Variants in OR2Z1 observed in about 807,000 individuals in gnomAD.
The protein encoded by OR2Z1 is olfactory receptor family 2 subfamily Z member 1, also known as olfactory receptor 2Z1.
For missense variants in OR2Z1, 449 were observed against 401.8 expected, an observed-to-expected ratio of 1.12 and a Z score of -1.00; for synonymous variants, 188 against 160.6, an observed-to-expected ratio of 1.17 and a Z score of -1.29.
At chr19:8,726,439 A>G (rs2043327887) in intron 2 of OR2Z1, among the ~76,000 whole-genome samples, 1 of 152,250 alleles carries the variant, frequency 6.6e-6, no homozygotes, top group African/African-American at 2.4e-5. Flanking sequence ...GTGGGGACAC[A>G]GGTCCAAACC....
chr19:8,723,793 C>T (rs1401605048), intron 2 of OR2Z1, among the ~76,000 whole-genome samples: 1 of 152,128 alleles, frequency 6.6e-6, no homozygotes, highest in African/African-American at 2.4e-5. Context: ...GAAGCCTTCC[C>T]CACCATCCCA....
At position 8,731,141 on chromosome 19, in the gene OR2Z1, G is replaced by T; in HGVS notation, c.113G>T (p.Gly38Val). 3.1e-6 allele frequency: 5 copies of T among 1,614,048 alleles called. No individual in the cohort carries two copies. The South Asian group carries it at 4.4e-5, about 14-fold the overall frequency. Residue 38 changes from glycine to valine, a missense_variant, in exon 3 of 3, where the codon GGC (glycine) becomes GTC (valine). Physicochemically the swap from Gly to Val is moderately radical, Grantham distance 109. Transcript: ENST00000641125. ...FSLVAVMFVI[G>V]LLGNTVLLFL... ...CTGGTGGCTGTCATGTTTGTCATAGGCCTTCTGGGCAACACCGTTCTTCTC... is the reference window on the plus strand; with the variant it reads ...CTGGTGGCTGTCATGTTTGTCATAGTCCTTCTGGGCAACACCGTTCTTCTC...
At chr19:8,724,882 G>T (rs1555756008) in intron 2 of OR2Z1, among the ~76,000 whole-genome samples, 1 of 152,074 alleles carries the variant, frequency 6.6e-6, no homozygotes, top group Non-Finnish European at 1.5e-5. Context: ...CTGGGCTTCT[G>T]CCTGCAAGCC....
At position 8,731,908 on chromosome 19, in the gene OR2Z1, A is replaced by G. The variant is rs2145084642; in HGVS notation, c.880A>G (p.Asn294Asp). The stretch of plus-strand genomic sequence containing the variant: ...CAACCCCCTTATCTACAGTCTGAGG[A>G]ATCCGGAGGTGTGGATGGCTTTGGT... ...TLNPLIYSLR[N>D]PEVWMALVKV... The change falls in exon 3 of 3, where the codon AAT becomes GAT. Residue 294 changes from asparagine to aspartate, a missense_variant. Transcript: ENST00000641125. 2.5e-6 allele frequency: 4 copies of G among 1,614,226 alleles called. No individual in the cohort carries two copies. The highest frequency in any genetic ancestry group is 2.5e-6 in the Non-Finnish European group (3 of 1,180,040).
At chr19:8,727,926 G>A (rs1418052288) in intron 2 of OR2Z1, among the ~76,000 whole-genome samples, 4 of 152,186 alleles carry the variant, frequency 2.6e-5, no homozygotes, top group African/African-American at 7.2e-5. Context: ...GAGCAGGGAT[G>A]AGGATGCTAT....
At chr19:8,730,709 C>G (rs1395540492) in intron 2 of OR2Z1, among the ~76,000 whole-genome samples, 151 bp from the exon 3 acceptor site, 1 of 152,138 alleles carries the variant, frequency 6.6e-6, no homozygotes, top group Non-Finnish European at 1.5e-5. Context: ...TGAGGCACCA[C>G]GTCCAGCCGA....
rs2043350602 is a variant in OR2Z1, at chr19:8,731,051, T to C, written c.23T>C (p.Val8Ala). The change falls in exon 3 of 3, where the codon GTG becomes GCG. Residue 8 changes from valine (V) to alanine (A), a missense_variant. Transcript: ENST00000641125. MGDVNQS[V>A]ASDFILVGLF... The stretch of plus-strand genomic sequence containing the variant: ...AACATGGGGGATGTGAATCAGTCGG[T>C]GGCCTCAGACTTCATTCTGGTGGGC... 3.1e-6 allele frequency: 5 copies of C among 1,614,136 alleles called. No individual in the cohort carries two copies. Among genetic ancestry groups the C allele is most frequent in the Non-Finnish European group, 4.2e-6 (5 of 1,179,994 alleles).
chr19:8,725,776 ACTAT>A (rs2043324734), intron 2 of OR2Z1, among the ~76,000 whole-genome samples: 1 of 152,220 alleles, frequency 6.6e-6, no homozygotes, highest in South Asian at 2.1e-4. Context: ...GCTTTAAAGA[ACTAT>A]CTGAGATGAT....
chr19:8,728,788 G>C, intron 2 of OR2Z1: 4 of 624,070 alleles, frequency 6.4e-6, no homozygotes, highest in South Asian at 5.5e-5. Context: ...TCAGGAGCCA[G>C]TCGAACATAT....
chr19:8,726,760 C>T (rs73489581), intron 2 of OR2Z1, among the ~76,000 whole-genome samples: 135 of 152,138 alleles, frequency 8.9e-4, no homozygotes, highest in African/African-American at 2.6e-3. Context: ...ATCAGGATGG[C>T]GTATAACTAA....
intron 2 of OR2Z1, among the ~76,000 whole-genome samples, chr19:8,726,763 A>G (rs2043329245): frequency 6.6e-6 from 1 of 152,196 alleles, no homozygotes; most frequent in Non-Finnish European, 1.5e-5. Context: ...AGGATGGCGT[A>G]TAACTAAAGA....
intron 2 of OR2Z1, among the ~76,000 whole-genome samples, chr19:8,729,596 G>GTT (rs1190491004): frequency 7.1e-6 from 1 of 139,998 alleles, no homozygotes; most frequent in African/African-American, 2.6e-5. Flanking sequence ...TGTAGAGATG[G>GTT]TTTTTTTTTT....
At position 8,730,981 on chromosome 19, in the gene OR2Z1, G is replaced by T; in HGVS notation, c.-48G>T. The T allele has an allele frequency of 1.3e-6, 2 of 1,497,272 alleles. No homozygotes were observed. The highest frequency in any genetic ancestry group is 4.5e-5 in the East Asian group (2 of 44,188). 92.7% of individuals were successfully genotyped at this position (1,497,272 alleles called of 1,614,324 possible). ...ATTTGCCACCCCATGCAGGCTTCTT[G>T]CCATAGTTCAGCTGTTCTTCCTGCA... On this transcript the variant is annotated 5_prime_UTR_variant, in exon 3 of 3. Transcript: ENST00000641125.
chr19:8,726,964 T>C (rs1183101675), intron 2 of OR2Z1, among the ~76,000 whole-genome samples: 1 of 152,172 alleles, frequency 6.6e-6, no homozygotes, highest in Non-Finnish European at 1.5e-5. Context: ...TCCATTTTCC[T>C]TTTGAAACAG....
At position 8,731,038 on chromosome 19, in the gene OR2Z1, G is replaced by A. The variant is rs782013512; in HGVS notation, c.10G>A (p.Val4Met). 6.8e-6 allele frequency: 11 copies of A among 1,613,824 alleles called. No individual in the cohort carries two copies. In the East Asian group the frequency reaches 2.0e-4, roughly 29 times the overall value. The stretch of plus-strand genomic sequence containing the variant: ...GTGCATTGTGTAAAACATGGGGGAT[G>A]TGAATCAGTCGGTGGCCTCAGACTT... MGD[V>M]NQSVASDFIL... is the part of the protein sequence containing the mutation. Residue 4 changes from valine to methionine, a missense_variant, in exon 3 of 3, where the codon GTG becomes ATG. Val to Met is a conservative substitution (Grantham distance 21, BLOSUM62 1). Coordinates refer to ENST00000641125, the MANE Select transcript of OR2Z1 (RefSeq NM_001004699.3).
At chr19:8,728,913 A>T (rs2145079882) in intron 2 of OR2Z1, 4 of 666,012 alleles carry the variant, frequency 6.0e-6, no homozygotes, top group South Asian at 5.5e-5. Flanking sequence ...GTCCACAATG[A>T]ACGAAAGTGT....
intron 2 of OR2Z1, among the ~76,000 whole-genome samples, chr19:8,726,072 T>C (rs1555756142): frequency 1.3e-5 from 2 of 152,056 alleles, no homozygotes. Flanking sequence ...TTCAAGTGAT[T>C]CTCCTGCCTC....
chr19:8,726,603 C>G (rs2145077629), intron 2 of OR2Z1, among the ~76,000 whole-genome samples: 1 of 152,348 alleles, frequency 6.6e-6, no homozygotes, highest in East Asian at 1.9e-4. Flanking sequence ...GGTCATTGGT[C>G]TCCTGATGGA....
intron 2 of OR2Z1, among the ~76,000 whole-genome samples, chr19:8,724,002 GTGTGT>G (rs2043317367): frequency 2.5e-5 from 3 of 118,226 alleles, no homozygotes; most frequent in Non-Finnish European, 5.0e-5. Context: ...GTGTGTGTGT[GTGTGT>G]GTGTATGTGT....
Sources: allele counts gnomAD v4.1 joint callset (sites outside exome capture counted in the v4.1 genomes callset), GRCh38; gene constraint gnomAD v4.1.1; transcripts MANE v1.5; gene names NCBI Gene and HGNC (gene_info 2026-07-23, HGNC 2026-07-21).